The following SLC30A7 variants were observed in gnomAD, a reference collection of about 807,000 sequenced individuals.
The protein encoded by SLC30A7 is solute carrier family 30 member 7, also known as zinc transporter 7.
Under a neutral mutation model 46.0 loss-of-function variants are expected in SLC30A7, and 35 were observed. That is an observed-to-expected ratio of 0.76 (90% CI 0.58 to 1.01). The LOEUF is 1.01. Ranked by LOEUF, SLC30A7 falls within the 50% of genes least tolerant of loss-of-function variation. The pLI, the probability that SLC30A7 is intolerant of heterozygous loss-of-function variation, is 0.00. For missense variants in SLC30A7, 464 were observed against 451.1 expected, an observed-to-expected ratio of 1.03 and a Z score of -0.26; for synonymous variants, 147 against 157.8, an observed-to-expected ratio of 0.93 and a Z score of 0.51.
Position 100,896,614 on chromosome 1 carries a change from T to C in SLC30A7, c.125T>C (p.Leu42Pro), listed in dbSNP as rs747125623. 1.9e-6 allele frequency: 3 copies of C among 1,614,172 alleles called. No individual in the cohort carries two copies. The Admixed American group carries it at 5.0e-5, about 27-fold the overall frequency. The change falls in exon 2 of 11, where the codon CTG (leucine) becomes CCG (proline). Residue 42 changes from leucine to proline, a missense_variant. Physicochemically the swap from Leu to Pro is moderately conservative, Grantham distance 98. Coordinates refer to ENST00000357650, the MANE Select transcript of SLC30A7 (RefSeq NM_133496.5). ...ACTTCCCGGAACCTGTTTTTCTTCC[T>C]GTGCCTGAACCTCTCTTTCGCTTTT... ...DKTSRNLFFF[L>P]CLNLSFAFVE...
At chr1:100,902,519 A>G (rs1475781065) in intron 2 of SLC30A7, among the ~76,000 whole-genome samples, 2 of 152,240 alleles carry the variant, frequency 1.3e-5, no homozygotes, top group Admixed American at 6.5e-5. Context: ...AAACACCACA[A>G]ACTAGGTGGC....
rs1300122130 is a variant in SLC30A7 at position 100,981,197 on chromosome 1, C to T, written c.*6340C>T. 6.6e-6 allele frequency: 1 copy of T among 152,054 alleles called. No homozygotes were observed. Among genetic ancestry groups the T allele is most frequent in the African/African-American group, 2.4e-5 (1 of 41,426 alleles). 9.4% of individuals were successfully genotyped at this position (152,054 alleles called of 1,614,324 possible). On this transcript the variant is annotated 3_prime_UTR_variant, in exon 11 of 11. Coordinates refer to ENST00000357650, the MANE Select transcript of SLC30A7 (RefSeq NM_133496.5). ...TCACATACTGTGCTACAGTTAGCCT[C>T]AATGAAGATTCTATTTTGAACTAGA... is the stretch of plus-strand genomic sequence containing the variant.
intron 3 of SLC30A7, among the ~76,000 whole-genome samples, chr1:100,908,275 C>T (rs1448028168): frequency 2.0e-5 from 3 of 152,156 alleles, no homozygotes; most frequent in African/African-American, 7.2e-5. Flanking sequence ...CTCTTTCTTT[C>T]ACATGCTCTT....
chr1:100,974,839 T>C lies in SLC30A7; in HGVS notation c.1113T>C (p.Ile371=), dbSNP rs1656370821. 2 of 1,600,360 alleles carry C rather than the reference T, an allele frequency of 1.2e-6. No individual in the cohort carries two copies. Among genetic ancestry groups the C allele is most frequent in the African/African-American group, 1.3e-5 (1 of 74,752 alleles). ...GAGTGAGACAGCTCTACGTACAGATTGACTTTGCAGCCATGTAGTGAATGG... is the reference window on the plus strand; with the variant it reads ...GAGTGAGACAGCTCTACGTACAGATCGACTTTGCAGCCATGTAGTGAATGG... The part of the protein sequence containing the change: ...QAGVRQLYVQ[I]DFAAM The change falls in exon 11 of 11, where the codon ATT becomes ATC. Residue 371 remains isoleucine (I), a synonymous_variant. Transcript: ENST00000357650.
At chr1:100,904,568 T>A (rs1421066437) in intron 2 of SLC30A7, among the ~76,000 whole-genome samples, 1 of 152,202 alleles carries the variant, frequency 6.6e-6, no homozygotes, top group Non-Finnish European at 1.5e-5. Context: ...TTTTGAAATT[T>A]TTTTTATCAA....
intron 2 of SLC30A7, among the ~76,000 whole-genome samples, chr1:100,899,311 A>G (rs910274890): frequency 2.0e-5 from 3 of 152,248 alleles, no homozygotes; most frequent in Non-Finnish European, 4.4e-5. Flanking sequence ...TATACTAAAA[A>G]TGGTAACTAC....
At chr1:100,995,409 T>C in the SLC30A7 span, 1 of 365,818 alleles carries the variant, frequency 2.7e-6, no homozygotes. Context: ...AGGGAAAGAA[T>C]TAGATAAACA....
At chr1:100,947,842 C>T (rs1386267100) in intron 8 of SLC30A7, among the ~76,000 whole-genome samples, 5 of 152,102 alleles carry the variant, frequency 3.3e-5, no homozygotes, top group Non-Finnish European at 5.9e-5. Flanking sequence ...GTTTTAAAGT[C>T]TGTTTTATCA....
intron 8 of SLC30A7, among the ~76,000 whole-genome samples, chr1:100,952,853 A>G (rs747268759): frequency 1.4e-4 from 22 of 152,194 alleles, no homozygotes; most frequent in Non-Finnish European, 2.6e-4. Context: ...CTATTACCAT[A>G]TTGTGAGGAA....
intron 8 of SLC30A7, among the ~76,000 whole-genome samples, chr1:100,948,545 A>C (rs976444302): frequency 6.6e-6 from 1 of 152,114 alleles, no homozygotes; most frequent in Non-Finnish European, 1.5e-5. Context: ...GTCGAGGACT[A>C]TCTTTGTGGT....
At chr1:100,993,802 C>T in the SLC30A7 span, among the ~76,000 whole-genome samples, 14 of 151,204 alleles carry the variant, frequency 9.3e-5, no homozygotes, top group East Asian at 3.9e-4. Context: ...AGTACAGTGG[C>T]GTGATATTGG....
At chr1:100,956,411 A>G (rs1204419022) in intron 8 of SLC30A7, among the ~76,000 whole-genome samples, 3 of 152,290 alleles carry the variant, frequency 2.0e-5, no homozygotes, top group South Asian at 2.1e-4. Flanking sequence ...AGGGAGTAGC[A>G]GACTTTGGAA....
intron 8 of SLC30A7, among the ~76,000 whole-genome samples, chr1:100,959,274 G>A (rs1655408048): frequency 6.6e-6 from 1 of 152,194 alleles, no homozygotes; most frequent in South Asian, 2.1e-4. Context: ...ATGTAGATTA[G>A]TCTAACGTCT....
Position 100,933,015 on chromosome 1 carries a change from C to T in SLC30A7, c.842+11174C>T, listed in dbSNP as rs142932847. ...TTTTTGAGACGGAGTCTCGCTCTGTCGCCAGGCTAGAGTGCTGTGGCGCAA... is the reference window on the plus strand; with the variant it reads ...TTTTTGAGACGGAGTCTCGCTCTGTTGCCAGGCTAGAGTGCTGTGGCGCAA... On this transcript the variant is annotated intron_variant, in intron 8 of 10. Coordinates refer to ENST00000357650, the MANE Select transcript of SLC30A7 (RefSeq NM_133496.5). 4.2e-3 allele frequency among the ~76,000 whole-genome samples: 606 copies of T among 145,606 alleles called. 4 individuals carry two copies. The highest frequency in any genetic ancestry group is 7.5e-3 in the Middle Eastern group (2 of 268).
intron 9 of SLC30A7, 71 bp downstream of exon 9, chr1:100,961,989 A>T (rs982972954): frequency 2.2e-6 from 2 of 909,862 alleles, no homozygotes; most frequent in Non-Finnish European, 3.4e-6. Flanking sequence ...GCTTTCACAA[A>T]TATGGGTAAC....
chr1:100,918,117 G>C lies in SLC30A7; in HGVS notation c.696G>C (p.Gln232His), dbSNP rs774836380. The change falls in exon 7 of 11, where the codon CAG (glutamine) becomes CAC (histidine). Residue 232 changes from glutamine (Q) to histidine (H), a missense_variant. Transcript: ENST00000357650. The part of the protein sequence containing the change: ...SLKETTGPSR[Q>H]ILQGVFLHIL... ...AAGAAACAACAGGACCCAGCAGACA[G>C]ATTTTACAAGGTATGACAAGCAATT... The C allele has an allele frequency of 1.9e-6, 3 of 1,612,214 alleles. No homozygotes were observed. The Admixed American group carries it at 5.0e-5, about 27-fold the overall frequency.
chr1:100,992,510 A>G, the SLC30A7 span: 1 of 600,414 alleles, frequency 1.7e-6, no homozygotes, highest in Non-Finnish European at 2.6e-6. Context: ...GACAAAAATG[A>G]CAAGAAATAG....
intron 6 of SLC30A7, 113 bp downstream of exon 6, chr1:100,913,919 A>C: frequency 7.0e-7 from 1 of 1,429,364 alleles, no homozygotes; most frequent in Non-Finnish European, 9.4e-7. Flanking sequence ...CTTCTTTTCT[A>C]ATGAATCAGT....
rs1307589927 is a variant in SLC30A7, at chr1:100,979,393, A to G, written c.*4536A>G. 1.3e-5 allele frequency: 2 copies of G among 148,920 alleles called. No homozygotes were observed. The highest frequency in any genetic ancestry group is 6.8e-5 in the Admixed American group (1 of 14,736). The allele number at this position is 148,920 out of a possible 1,614,324, so 9.2% of individuals were successfully genotyped here. ...AGCCTTAGTGACCCAGATCTCAACC[A>G]GAGACTCAAGATAGCCTCAAATACA... On this transcript the variant is annotated 3_prime_UTR_variant, in exon 11 of 11. Coordinates refer to ENST00000357650, the MANE Select transcript of SLC30A7 (RefSeq NM_133496.5).
Sources: allele counts gnomAD v4.1 joint callset (sites outside exome capture counted in the v4.1 genomes callset), GRCh38; gene constraint gnomAD v4.1.1; transcripts MANE v1.5; gene names NCBI Gene and HGNC (gene_info 2026-07-23, HGNC 2026-07-21).